The following MIPOL1 variants were observed in gnomAD, a reference collection of about 807,000 sequenced individuals.
MIPOL1 encodes the protein mirror-image polydactyly gene 1 protein.
MIPOL1 carries 57 observed loss-of-function variants against 60.9 expected under a neutral mutation model. The ratio of observed to expected loss-of-function variants is 0.94; its 90% CI spans 0.76 to 1.17. MIPOL1 has a LOEUF of 1.17. Among genes scored for constraint, MIPOL1 ranks in the 50% most tolerant of loss-of-function variants. The pLI is 0.00. For missense variants in MIPOL1, 551 were observed against 511.6 expected, an observed-to-expected ratio of 1.08 and a Z score of -0.74; for synonymous variants, 179 against 168.8, an observed-to-expected ratio of 1.06 and a Z score of -0.47.
At position 37,310,108 on chromosome 14, in the gene MIPOL1, G is replaced by A. The variant is rs1209185966; in HGVS notation, c.828+1589G>A. 5.9e-5 allele frequency among the ~76,000 whole-genome samples: 9 copies of A among 151,662 alleles called. No individual in the cohort carries two copies. In the East Asian group the frequency reaches 1.2e-3, roughly 20 times the overall value. On this transcript the variant is annotated intron_variant, in intron 9 of 12. Transcript: ENST00000684589. ...AATTCCATAGCCCATTATAATTATC[G>A]CCAACTTGCACATAATATACCCTCA...
At chr14:37,518,387 T>C (rs1304366110) in intron 12 of MIPOL1, among the ~76,000 whole-genome samples, 1 of 152,194 alleles carries the variant, frequency 6.6e-6, no homozygotes, top group East Asian at 1.9e-4. Context: ...TACTCTGGAG[T>C]GCAGTGGCGG....
At chr14:37,265,502 GAATA>G (rs1254888753) in intron 3 of MIPOL1, among the ~76,000 whole-genome samples, 1 of 152,080 alleles carries the variant, frequency 6.6e-6, no homozygotes, top group South Asian at 2.1e-4. Flanking sequence ...GTAAATTAAT[GAATA>G]AATAAATTAG....
At chr14:37,420,533 A>G (rs560778838) in intron 10 of MIPOL1, among the ~76,000 whole-genome samples, 26 of 152,290 alleles carry the variant, frequency 1.7e-4, no homozygotes, top group African/African-American at 6.3e-4. Context: ...TATGATATAA[A>G]TATCAATCTA....
At chr14:37,211,076 G>C (rs1966811047) in intron 1 of MIPOL1, among the ~76,000 whole-genome samples, 1 of 152,148 alleles carries the variant, frequency 6.6e-6, no homozygotes, top group African/African-American at 2.4e-5. Flanking sequence ...TTCCTTCACT[G>C]TCATAATCTT....
chr14:37,303,362 A>C (rs2086490044), intron 7 of MIPOL1, among the ~76,000 whole-genome samples: 1 of 151,802 alleles, frequency 6.6e-6, no homozygotes, highest in South Asian at 2.1e-4. Flanking sequence ...CCTCCTCCTT[A>C]ATCCCTTATT....
chr14:37,227,873 C>A (rs1201661332), intron 1 of MIPOL1: 2 of 152,144 alleles, frequency 1.3e-5, no homozygotes, highest in Non-Finnish European at 2.9e-5. Flanking sequence ...CACATCTGCC[C>A]ACACTACTTT....
chr14:37,410,437 T>C (rs1224270436), intron 10 of MIPOL1, among the ~76,000 whole-genome samples: 1 of 152,100 alleles, frequency 6.6e-6, no homozygotes, highest in Non-Finnish European at 1.5e-5. Flanking sequence ...AGAATGAATA[T>C]GAAATAAAGA....
rs2085464626 is a variant in MIPOL1, at chr14:37,294,803, G to A, written c.623+9356G>A. Among the ~76,000 whole-genome samples, 3 of 152,106 alleles carry A rather than the reference G, an allele frequency of 2.0e-5. No individual in the cohort carries two copies. The South Asian group carries it at 6.2e-4, about 32-fold the overall frequency. ...AAGCCTCCGAGAAATATGGGACTATGTGAAAAGACCAAATCTACATCTAAT... is the reference window on the plus strand; with the variant it reads ...AAGCCTCCGAGAAATATGGGACTATATGAAAAGACCAAATCTACATCTAAT... On this transcript the variant is annotated intron_variant, in intron 7 of 12. Transcript: ENST00000684589.
At chr14:37,456,835 T>G (rs1364743155) in intron 11 of MIPOL1, among the ~76,000 whole-genome samples, 1 of 152,132 alleles carries the variant, frequency 6.6e-6, no homozygotes, top group Non-Finnish European at 1.5e-5. Flanking sequence ...TAATTTTATT[T>G]TCTTATAAAA....
At chr14:37,468,856 AG>A (rs1210072928) in intron 11 of MIPOL1, among the ~76,000 whole-genome samples, 2 of 152,172 alleles carry the variant, frequency 1.3e-5, no homozygotes, top group Admixed American at 1.3e-4. Context: ...AGTTAAGTAA[AG>A]GGAGGTAGTG....
chr14:37,324,914 T>C (rs1464367142), intron 9 of MIPOL1, among the ~76,000 whole-genome samples: 1 of 152,138 alleles, frequency 6.6e-6, no homozygotes, highest in Non-Finnish European at 1.5e-5. Context: ...TTTATCTATC[T>C]TTATGCTAAT....
intron 9 of MIPOL1, among the ~76,000 whole-genome samples, chr14:37,319,806 G>T (rs1457319815): frequency 2.6e-5 from 4 of 152,066 alleles, no homozygotes; most frequent in African/African-American, 9.7e-5. Context: ...TCTCTTCCCA[G>T]TCGGAATTTC....
chr14:37,272,425 A>G (rs1403387980), intron 6 of MIPOL1, among the ~76,000 whole-genome samples: 4 of 151,716 alleles, frequency 2.6e-5, no homozygotes, highest in African/African-American at 9.7e-5. Context: ...GAAGAAATTC[A>G]TTGGTTTAAA....
At position 37,355,653 on chromosome 14, in the gene MIPOL1, C is replaced by A. The variant is rs1404957122; in HGVS notation, c.829-13864C>A. ...ACTTCCCTTCTCGCTTCATTTCATT[C>A]ATTTCATCTTCCATCGCTGATACCC... On this transcript the variant is annotated intron_variant, in intron 9 of 12. Coordinates refer to ENST00000684589, the MANE Select transcript of MIPOL1 (RefSeq NM_001388067.1). Among the ~76,000 whole-genome samples the A allele has an allele frequency of 1.1e-4, 13 of 120,306 alleles. No individual in the cohort carries two copies. The South Asian group carries it at 4.6e-3, about 43-fold the overall frequency. 78.9% of individuals were successfully genotyped at this position (120,306 alleles called of 152,430 possible).
At chr14:37,340,003 C>T (rs1444480672) in intron 9 of MIPOL1, among the ~76,000 whole-genome samples, 1 of 152,284 alleles carries the variant, frequency 6.6e-6, no homozygotes, top group East Asian at 1.9e-4. Context: ...AATAAAACCC[C>T]TATAAAATAA....
At chr14:37,463,187 TAAGA>T (rs2094559778) in intron 11 of MIPOL1, among the ~76,000 whole-genome samples, 1 of 152,186 alleles carries the variant, frequency 6.6e-6, no homozygotes, top group African/African-American at 2.4e-5. Context: ...GTCAGCAGGC[TAAGA>T]GAGAGCTTGT....
intron 7 of MIPOL1, among the ~76,000 whole-genome samples, chr14:37,303,290 A>G (rs948823332): frequency 1.5e-4 from 23 of 151,880 alleles, no homozygotes; most frequent in Non-Finnish European, 2.8e-4. Flanking sequence ...TCAGATTTAC[A>G]CAGGCAACTC....
chr14:37,386,256 C>T (rs985776), intron 10 of MIPOL1, among the ~76,000 whole-genome samples: 151,055 of 152,100 alleles, frequency 0.99, 75,017 homozygotes, highest in Middle Eastern at 1. Context: ...AATTGAGGTT[C>T]CTTTCTGATT....
intron 1 of MIPOL1, among the ~76,000 whole-genome samples, chr14:37,209,564 G>A (rs1241116979): frequency 6.6e-6 from 1 of 152,170 alleles, no homozygotes; most frequent in Non-Finnish European, 1.5e-5. Context: ...GTAGACTGAG[G>A]CAGGAGAATC....
Sources: gnomAD v4.1 joint callset for allele counts (sites outside exome capture counted in the v4.1 genomes callset) on GRCh38, gnomAD v4.1.1 for gene constraint, MANE v1.5 for transcripts, NCBI Gene and HGNC (gene_info 2026-07-23, HGNC 2026-07-21) for gene names.